MLLT1: variants seen among roughly 807,000 people sequenced by gnomAD.
MLLT1 encodes MLLT1 super elongation complex subunit.
Under a neutral mutation model 55.1 loss-of-function variants are expected in MLLT1, and 11 were observed. The observed-to-expected ratio is 0.20, with a 90% CI of 0.13 to 0.33. The LOEUF (loss-of-function observed/expected upper bound fraction) is 0.33. Ranked by LOEUF, MLLT1 falls within the 10% of genes least tolerant of loss-of-function variation. The pLI is 1.00. For missense variants in MLLT1, 536 were observed against 760.6 expected (o/e 0.70, Z 3.47); for synonymous variants, 323 against 320.1 (o/e 1.01, Z -0.10).
Position 6,212,412 on chromosome 19 carries a change from C to T in MLLT1, c.*630G>A. The T allele has an allele frequency of 3.8e-6, 4 of 1,066,018 alleles. No homozygotes were observed. Among genetic ancestry groups the T allele is most frequent in the Non-Finnish European group, 4.5e-6 (4 of 879,598 alleles). The allele number at this position is 1,066,018 out of a possible 1,614,324, so 66.0% of individuals were successfully genotyped here. On this transcript the variant is annotated 3_prime_UTR_variant, in exon 12 of 12. Transcript: ENST00000252674. ...ACCTACAAGCCCCACCGTACGCACC[C>T]CCCACCCACCCCACGTGCACTGCTG...
intron 6 of MLLT1, among the ~76,000 whole-genome samples, chr19:6,220,272 T>C (rs1485764506): frequency 2.0e-5 from 3 of 152,356 alleles, no homozygotes; most frequent in African/African-American, 4.8e-5. Context: ...GATGTGCTTC[T>C]TCACCATAGC....
Position 6,212,510 on chromosome 19 carries a change from G to A in MLLT1, c.*532C>T. On this transcript the variant is annotated 3_prime_UTR_variant, in exon 12 of 12. Transcript: ENST00000252674. ...CATATATAATAGAGAGAACTATACA[G>A]CACAGACCCCAGCGCAGCGCGAGCC... is the stretch of plus-strand genomic sequence containing the variant. The A allele has an allele frequency of 9.3e-7, 1 of 1,078,294 alleles. No individual in the cohort carries two copies. Among genetic ancestry groups the A allele is most frequent in the Non-Finnish European group, 1.1e-6 (1 of 888,452 alleles). 66.8% of individuals were successfully genotyped at this position (1,078,294 alleles called of 1,614,324 possible). A position where few individuals can be genotyped will look rare whatever the true frequency, so the allele number is the denominator to read the frequency against.
chr19:6,230,559 G>T lies in MLLT1; in HGVS notation c.420+11C>A. The T allele has an allele frequency of 6.2e-7, 1 of 1,612,140 alleles. No individual in the cohort carries two copies. The highest frequency in any genetic ancestry group is 8.5e-7 in the Non-Finnish European group (1 of 1,179,678). ...GCGGCCCCTTGGCGGGCAGGGGCGG[G>T]GCACACTCACCCCGCCGGCCCGCAG... On this transcript the variant is annotated intron_variant, in intron 4 of 11. Transcript: ENST00000252674. The surrounding 1 kb of genome is among the most constrained non-coding windows in gnomAD (Gnocchi z 9.0).
intron 3 of MLLT1, among the ~76,000 whole-genome samples, chr19:6,245,226 TTTC>T (rs1358192048): frequency 6.6e-6 from 1 of 151,366 alleles, no homozygotes; most frequent in African/African-American, 2.4e-5. Context: ...TCTTTCTTTC[TTTC>T]TTTCTTCCAT....
intron 3 of MLLT1, among the ~76,000 whole-genome samples, chr19:6,234,837 T>C (rs1203880209): frequency 6.6e-6 from 1 of 152,038 alleles, no homozygotes; most frequent in Non-Finnish European, 1.5e-5. Context: ...TAGAAAGGAA[T>C]TTAAGAGACA....
At position 6,235,571 on chromosome 19, in the gene MLLT1, G is replaced by T. The variant is rs1158931668; in HGVS notation, c.277-4858C>A. On this transcript the variant is annotated intron_variant, in intron 3 of 11. Transcript: ENST00000252674. This position sits in a 1 kb window ranked among gnomAD's most constrained non-coding sequence, Gnocchi z 5.5. ...ACTGCCTGGCACAGGGCACCCTGGG[G>T]CTCGGAACTGGGTCCTCTCCTCTCC... is the stretch of plus-strand genomic sequence containing the variant. Among the ~76,000 whole-genome samples, 1 of 152,122 alleles carries T rather than the reference G, an allele frequency of 6.6e-6. No homozygotes were observed. Among genetic ancestry groups the T allele is most frequent in the Non-Finnish European group, 1.5e-5 (1 of 67,974 alleles).
At chr19:6,244,480 C>A (rs138956844) in intron 3 of MLLT1, among the ~76,000 whole-genome samples, 2 of 151,984 alleles carry the variant, frequency 1.3e-5, no homozygotes, top group Non-Finnish European at 2.9e-5. Context: ...TGGTGCATGC[C>A]GCCAGCGGAC....
chr19:6,229,776 A>G lies in MLLT1; in HGVS notation c.420+794T>C, dbSNP rs1429411091. ...CACACCCCACACATACACACGACAC[A>G]CACCCCATACCACACATGCCACTCA... On this transcript the variant is annotated intron_variant, in intron 4 of 11. Coordinates refer to ENST00000252674, the MANE Select transcript of MLLT1 (RefSeq NM_005934.4). This position sits in a 1 kb window ranked among gnomAD's most constrained non-coding sequence, Gnocchi z 5.2. Among the ~76,000 whole-genome samples the G allele has an allele frequency of 1.3e-5, 2 of 151,268 alleles. No individual in the cohort carries two copies. The highest frequency in any genetic ancestry group is 4.9e-5 in the African/African-American group (2 of 41,038).
intron 8 of MLLT1, among the ~76,000 whole-genome samples, chr19:6,214,928 C>T (rs2090824380): frequency 6.6e-6 from 1 of 152,176 alleles, no homozygotes; most frequent in South Asian, 2.1e-4. Flanking sequence ...ATCTCTTAAA[C>T]TTGCCCCTCA....
At chr19:6,214,494 G>A (rs556720225) in intron 8 of MLLT1, among the ~76,000 whole-genome samples, 57 of 152,264 alleles carry the variant, frequency 3.7e-4, no homozygotes, top group African/African-American at 1.3e-3. Context: ...TGGACAGCAG[G>A]CCTCCATCAG....
intron 3 of MLLT1, among the ~76,000 whole-genome samples, chr19:6,234,663 A>C (rs1465181069): frequency 6.6e-6 from 1 of 152,166 alleles, no homozygotes. Flanking sequence ...GGCCCCCAAG[A>C]CACGGACACA....
Position 6,212,631 on chromosome 19 carries a change from C to T in MLLT1, c.*411G>A. On this transcript the variant is annotated 3_prime_UTR_variant, in exon 12 of 12. Transcript: ENST00000252674. ...GGTGGGCGGAGGGTGTGTTCTGAAC[C>T]ATTCGGGAGGCTGGAGATGCCCCCC... 9.0e-7 allele frequency: 1 copy of T among 1,113,852 alleles called. No homozygotes were observed. The highest frequency in any genetic ancestry group is 1.6e-5 in the African/African-American group (1 of 61,488). The allele number at this position is 1,113,852 out of a possible 1,614,324, so 69.0% of individuals were successfully genotyped here. A position where few individuals can be genotyped will look rare whatever the true frequency, so the allele number is the denominator to read the frequency against.
At chr19:6,225,872 G>A (rs775499302) in intron 5 of MLLT1, among the ~76,000 whole-genome samples, 1 of 152,240 alleles carries the variant, frequency 6.6e-6, no homozygotes, top group Non-Finnish European at 1.5e-5. Flanking sequence ...TGGTAGCTGA[G>A]AGGGACACTG....
chr19:6,246,733 G>A (rs1390930507), intron 3 of MLLT1, among the ~76,000 whole-genome samples: 3 of 152,112 alleles, frequency 2.0e-5, no homozygotes, highest in East Asian at 1.9e-4. Context: ...CAGAGTAAAC[G>A]TCACGGAATA....
intron 3 of MLLT1, among the ~76,000 whole-genome samples, chr19:6,238,967 A>G (rs1193418636): frequency 6.6e-6 from 1 of 152,264 alleles, no homozygotes; most frequent in Non-Finnish European, 1.5e-5. Flanking sequence ...CGCCTTAGTC[A>G]GTCCACACCA....
In MLLT1 at chr19:6,243,473, ATGGGACAGGCG is replaced by A. The variant is rs1268472295; in HGVS notation, c.277-12771_277-12761del. Among the ~76,000 whole-genome samples, 3 of 152,218 alleles carry A rather than the reference ATGGGACAGGCG, an allele frequency of 2.0e-5. No individual in the cohort carries two copies. In the South Asian group the frequency reaches 6.2e-4, roughly 32 times the overall value. ...TGTCACTGACCTACTCCAGAACATCATGGGACAGGCGTGGGACAGGCACCTGGCTGGGGCTT... is the reference window on the plus strand; with the variant it reads ...TGTCACTGACCTACTCCAGAACATCATGGGACAGGCACCTGGCTGGGGCTT... On this transcript the variant is annotated intron_variant, in intron 3 of 11. Transcript: ENST00000252674.
chr19:6,243,599 CCAT>C (rs1474500926), intron 3 of MLLT1, among the ~76,000 whole-genome samples: 1 of 152,160 alleles, frequency 6.6e-6, no homozygotes, highest in Non-Finnish European at 1.5e-5. Flanking sequence ...GCAAATGCCA[CCAT>C]GTCACCCCCA....
rs904412868 is a variant in MLLT1, at chr19:6,256,106, A to G, written c.276+6122T>C. Among the ~76,000 whole-genome samples, 5 of 152,218 alleles carry G rather than the reference A, an allele frequency of 3.3e-5. No individual in the cohort carries two copies. Among genetic ancestry groups the G allele is most frequent in the African/African-American group, 4.8e-5 (2 of 41,536 alleles). On this transcript the variant is annotated intron_variant, in intron 3 of 11. Transcript: ENST00000252674. This position sits in a 1 kb window ranked among gnomAD's most constrained non-coding sequence, Gnocchi z 4.1. ...GTGGCAGGCACCTGTAATCCCAGCT[A>G]TTCAGGAGGCTGAGGCAGGAGAATC...
chr19:6,237,524 G>A (rs1324868665), intron 3 of MLLT1, among the ~76,000 whole-genome samples: 6 of 151,536 alleles, frequency 4.0e-5, no homozygotes, highest in Non-Finnish European at 7.4e-5. Flanking sequence ...TTGGGAGGCC[G>A]AGGCAGGTGG....
Sources: allele counts gnomAD v4.1 joint callset (sites outside exome capture counted in the v4.1 genomes callset), GRCh38; gene constraint gnomAD v4.1.1; non-coding constraint Gnocchi (gnomAD v3.1); transcripts MANE v1.5; gene names NCBI Gene and HGNC (gene_info 2026-07-23, HGNC 2026-07-21).